Variants in NCAM2 observed in about 807,000 individuals in gnomAD.
NCAM2 encodes neural cell adhesion molecule 2, also known as N-CAM-2.
NCAM2 carries 30 observed loss-of-function variants against 98.1 expected under a neutral mutation model. The ratio of observed to expected loss-of-function variants is 0.31; its 90% CI spans 0.23 to 0.41. NCAM2 has a LOEUF of 0.41. NCAM2 is among the 10% of genes least tolerant of loss of function. The pLI, the probability that NCAM2 is intolerant of heterozygous loss-of-function variation, is 1.00. For synonymous variants in NCAM2, 368 were observed against 342.4 expected, an observed-to-expected ratio of 1.07 and a Z score of -0.83; for missense variants, 867 against 1,005.8, an observed-to-expected ratio of 0.86 and a Z score of 1.87.
At chr21:21,159,489 T>C (rs2067716007) in intron 1 of NCAM2, among the ~76,000 whole-genome samples, 1 of 152,184 alleles carries the variant, frequency 6.6e-6, no homozygotes, top group Non-Finnish European at 1.5e-5. Context: ...TTATCTTTTA[T>C]ATTCCATTTT....
chr21:21,437,474 C>CTGTGTGTGTGTGTGTGTGTGTGTG lies in NCAM2; in HGVS notation c.1654+5197_1654+5220dup, dbSNP rs3990174. 6.3e-3 allele frequency among the ~76,000 whole-genome samples: 906 copies of CTGTGTGTGTGTGTGTGTGTGTGTG among 144,510 alleles called. 11 individuals carry two copies. Among genetic ancestry groups the CTGTGTGTGTGTGTGTGTGTGTGTG allele is most frequent in the African/African-American group, 0.019 (736 of 38,108 alleles). 94.8% of individuals were successfully genotyped at this position (144,510 alleles called of 152,430 possible). ...ATTTATCCAATCCCCCACCAAGATT[C>CTGTGTGTGTGTGTGTGTGTGTGTG]TGTGTGTGTGTGTGTGTGTGTGTGT... On this transcript the variant is annotated intron_variant, in intron 12 of 17. Coordinates refer to ENST00000400546, the MANE Select transcript of NCAM2 (RefSeq NM_004540.5).
At chr21:21,394,985 T>G (rs557835108) in intron 9 of NCAM2, among the ~76,000 whole-genome samples, 1 of 152,272 alleles carries the variant, frequency 6.6e-6, no homozygotes, top group South Asian at 2.1e-4. Flanking sequence ...TATATTCAGG[T>G]GCTGTAGAAG....
intron 1 of NCAM2, among the ~76,000 whole-genome samples, chr21:21,194,885 T>G (rs1223831950): frequency 6.6e-6 from 1 of 152,176 alleles, no homozygotes; most frequent in Non-Finnish European, 1.5e-5. Flanking sequence ...TAGAAGTTTG[T>G]ACCCTTTGAC....
At chr21:21,269,889 A>G (rs1248962675) in intron 1 of NCAM2, among the ~76,000 whole-genome samples, 1 of 152,164 alleles carries the variant, frequency 6.6e-6, no homozygotes, top group African/African-American at 2.4e-5. Context: ...CATATAATTC[A>G]TGAAAGAAAG....
intron 6 of NCAM2, among the ~76,000 whole-genome samples, chr21:21,327,195 C>A (rs1183236796): frequency 6.6e-6 from 1 of 150,462 alleles, no homozygotes; most frequent in Admixed American, 6.7e-5. Context: ...GTAGTCCCAG[C>A]TACTCTGGAG....
chr21:21,400,695 C>T, intron 9 of NCAM2, among the ~76,000 whole-genome samples: 1 of 151,242 alleles, frequency 6.6e-6, no homozygotes. Context: ...AAGTGATTCT[C>T]ATGCCTCAGC....
intron 15 of NCAM2, among the ~76,000 whole-genome samples, chr21:21,492,187 T>C (rs1452011400): frequency 6.6e-6 from 1 of 151,856 alleles, no homozygotes; most frequent in East Asian, 1.9e-4. Flanking sequence ...GTCATTGATA[T>C]AGTCAAGCAA....
At chr21:21,062,358 A>G (rs1214011169) in intron 1 of NCAM2, among the ~76,000 whole-genome samples, 1 of 152,142 alleles carries the variant, frequency 6.6e-6, no homozygotes, top group Non-Finnish European at 1.5e-5. Flanking sequence ...CCATAAAGTT[A>G]GAAGCATAGT....
At chr21:21,525,555 A>G (rs1001353237) in intron 16 of NCAM2, among the ~76,000 whole-genome samples, 1 of 152,142 alleles carries the variant, frequency 6.6e-6, no homozygotes, top group Admixed American at 6.5e-5. Flanking sequence ...CACCAAGCCC[A>G]GACAAGTTCA....
intron 9 of NCAM2, among the ~76,000 whole-genome samples, chr21:21,391,219 A>C (rs1466871276): frequency 6.6e-6 from 1 of 152,044 alleles, no homozygotes; most frequent in East Asian, 1.9e-4. Flanking sequence ...AATAATAATA[A>C]TATTTATTGT....
chr21:21,428,921 C>T (rs972244722), intron 11 of NCAM2, among the ~76,000 whole-genome samples: 14 of 152,104 alleles, frequency 9.2e-5, no homozygotes, highest in Admixed American at 2.6e-4. Flanking sequence ...TTCTATGTTA[C>T]ATGTATCTAT....
intron 1 of NCAM2, among the ~76,000 whole-genome samples, chr21:21,048,166 GCTAT>G (rs1260189050): frequency 3.3e-5 from 5 of 152,154 alleles, no homozygotes; most frequent in African/African-American, 9.7e-5. Context: ...TCTGAAGTCT[GCTAT>G]CTGAGAGCTT....
At chr21:21,274,998 A>G (rs1344076158) in intron 1 of NCAM2, among the ~76,000 whole-genome samples, 1 of 152,032 alleles carries the variant, frequency 6.6e-6, no homozygotes, top group Non-Finnish European at 1.5e-5. Flanking sequence ...CATTATATTT[A>G]TATTACTATA....
chr21:21,122,199 C>A (rs1044190177), intron 1 of NCAM2, among the ~76,000 whole-genome samples: 1 of 152,144 alleles, frequency 6.6e-6, no homozygotes, highest in Non-Finnish European at 1.5e-5. Flanking sequence ...ATTGTCCATG[C>A]ATAATTTGAT....
chr21:21,272,730 T>C (rs2072565344), intron 1 of NCAM2, among the ~76,000 whole-genome samples: 1 of 152,132 alleles, frequency 6.6e-6, no homozygotes, highest in South Asian at 2.1e-4. Flanking sequence ...TCTTATACAT[T>C]TCTCAGTTAT....
At chr21:21,463,746 A>C (rs233797) in intron 12 of NCAM2, 114 of 151,766 alleles carry the variant, frequency 7.5e-4, no homozygotes, top group African/African-American at 2.7e-3. Context: ...GGCATGCAAA[A>C]CTCCTCATAG....
At chr21:21,487,794 C>G (rs1230932877) in intron 15 of NCAM2, among the ~76,000 whole-genome samples, 1 of 152,072 alleles carries the variant, frequency 6.6e-6, no homozygotes, top group Non-Finnish European at 1.5e-5. Context: ...CCCACAAGTA[C>G]CATGTTTCAG....
At chr21:21,158,402 A>G (rs926518527) in intron 1 of NCAM2, among the ~76,000 whole-genome samples, 4 of 152,072 alleles carry the variant, frequency 2.6e-5, no homozygotes, top group African/African-American at 9.7e-5. Context: ...CATGAGGTCA[A>G]GTAATCAAGA....
intron 1 of NCAM2, among the ~76,000 whole-genome samples, chr21:21,017,447 A>AAAAC: frequency 6.6e-6 from 1 of 150,758 alleles, no homozygotes; most frequent in African/African-American, 2.4e-5. Flanking sequence ...AAAAAAAAAA[A>AAAAC]AGAAATAGAA....
Sources: gnomAD v4.1 joint callset for allele counts (sites outside exome capture counted in the v4.1 genomes callset) on GRCh38, gnomAD v4.1.1 for gene constraint, MANE v1.5 for transcripts, NCBI Gene and HGNC (gene_info 2026-07-23, HGNC 2026-07-21) for gene names.